Variants in FOXN3 observed in about 807,000 individuals in gnomAD.
The protein encoded by FOXN3 is forkhead box protein N3.
In FOXN3, 7 loss-of-function variants were observed where a neutral mutation model predicts 38.4. The observed-to-expected ratio is 0.18, with a 90% confidence interval of 0.10 to 0.34. FOXN3 has a LOEUF of 0.34. Ranked by LOEUF, FOXN3 falls within the 10% of genes least tolerant of loss-of-function variation. The pLI is 1.00. For synonymous variants in FOXN3, 230 were observed against 242.2 expected, an observed-to-expected ratio of 0.95 and a Z score of 0.47; for missense variants, 456 against 613.4, an observed-to-expected ratio of 0.74 and a Z score of 2.71.
chr14:89,227,409 C>T (rs923342992), intron 4 of FOXN3, among the ~76,000 whole-genome samples: 13 of 152,222 alleles, frequency 8.5e-5, no homozygotes, highest in African/African-American at 3.1e-4. Context: ...ATTGGACTCC[C>T]TTCACGGCAT....
chr14:89,332,111 C>T (rs1451451391), intron 3 of FOXN3, among the ~76,000 whole-genome samples: 2 of 152,180 alleles, frequency 1.3e-5, no homozygotes, highest in East Asian at 3.8e-4. Context: ...TGTGGTGTCC[C>T]ACCTAAGGAC....
At chr14:89,539,677 A>G (rs1295835767) in intron 1 of FOXN3, among the ~76,000 whole-genome samples, 1 of 152,196 alleles carries the variant, frequency 6.6e-6, no homozygotes, top group Non-Finnish European at 1.5e-5. Context: ...CTCTTAGGGT[A>G]AGTAGGTGTA....
intron 2 of FOXN3, among the ~76,000 whole-genome samples, chr14:89,363,005 G>A (rs1889936220): frequency 6.6e-6 from 1 of 152,100 alleles, no homozygotes; most frequent in African/African-American, 2.4e-5. Flanking sequence ...CTTAAGGTGG[G>A]GAACCTCTAG....
At chr14:89,173,973 A>G (rs1020589729) in intron 5 of FOXN3, among the ~76,000 whole-genome samples, 2 of 152,200 alleles carry the variant, frequency 1.3e-5, no homozygotes, top group Non-Finnish European at 2.9e-5. Flanking sequence ...GGTGTGGGTG[A>G]CAAAGCGAGA....
At chr14:89,326,600 G>C (rs181388921) in intron 3 of FOXN3, among the ~76,000 whole-genome samples, 1 of 152,126 alleles carries the variant, frequency 6.6e-6, no homozygotes, top group Non-Finnish European at 1.5e-5. Flanking sequence ...AGGCTCTGTC[G>C]AGAGAGCAAA....
At chr14:89,593,703 C>T (rs1214815416) in intron 1 of FOXN3, among the ~76,000 whole-genome samples, 2 of 152,064 alleles carry the variant, frequency 1.3e-5, no homozygotes, top group Non-Finnish European at 2.9e-5. Flanking sequence ...TGCACAAAAC[C>T]CAGCTCACTA....
chr14:89,180,085 C>T (rs760356673), intron 5 of FOXN3, among the ~76,000 whole-genome samples: 53 of 152,168 alleles, frequency 3.5e-4, no homozygotes. Flanking sequence ...CTATGAGGGC[C>T]GCAGGCTGGC....
At chr14:89,214,282 T>G (rs1353824898) in intron 4 of FOXN3, among the ~76,000 whole-genome samples, 1 of 152,220 alleles carries the variant, frequency 6.6e-6, no homozygotes, top group African/African-American at 2.4e-5. Flanking sequence ...CACCCGATGT[T>G]GAAAGAGGAC....
chr14:89,576,020 C>A (rs145242140), intron 1 of FOXN3, among the ~76,000 whole-genome samples: 140 of 152,274 alleles, frequency 9.2e-4, no homozygotes, highest in African/African-American at 3.2e-3. Flanking sequence ...CAAATTCCAT[C>A]GCTGACATCG....
intron 1 of FOXN3, among the ~76,000 whole-genome samples, chr14:89,611,764 C>CAA (rs1896397551): frequency 1.4e-5 from 2 of 147,230 alleles, no homozygotes; most frequent in African/African-American, 5.1e-5. Context: ...CGAGATCGTG[C>CAA]CACTGCACTC....
chr14:89,324,558 C>A (rs1254967354), intron 3 of FOXN3, among the ~76,000 whole-genome samples: 1 of 151,772 alleles, frequency 6.6e-6, no homozygotes, highest in Non-Finnish European at 1.5e-5. Flanking sequence ...AGCAGAGCTA[C>A]CCTTTGGGGA....
intron 2 of FOXN3, among the ~76,000 whole-genome samples, chr14:89,383,839 G>A (rs1024531865): frequency 6.6e-6 from 1 of 151,582 alleles, no homozygotes; most frequent in Non-Finnish European, 1.5e-5. Flanking sequence ...GCCCAGGGTG[G>A]AGTGCAATGG....
chr14:89,250,546 T>G (rs994938642), intron 4 of FOXN3, among the ~76,000 whole-genome samples: 5 of 152,200 alleles, frequency 3.3e-5, no homozygotes, highest in Admixed American at 6.5e-5. Flanking sequence ...CTTTGATGTC[T>G]CCCAGACCAA....
intron 3 of FOXN3, among the ~76,000 whole-genome samples, chr14:89,292,079 A>C (rs1886890863): frequency 6.6e-6 from 1 of 152,056 alleles, no homozygotes; most frequent in Admixed American, 6.5e-5. Flanking sequence ...CCTCTTTTCT[A>C]AACGAAGGAC....
chr14:89,289,802 TTAC>T (rs747431091), intron 3 of FOXN3, among the ~76,000 whole-genome samples: 1 of 152,206 alleles, frequency 6.6e-6, no homozygotes, highest in Non-Finnish European at 1.5e-5. Context: ...TCAGGGCACA[TTAC>T]TACTACATCA....
intron 3 of FOXN3, among the ~76,000 whole-genome samples, chr14:89,294,630 C>T (rs961500631): frequency 1.3e-5 from 2 of 152,146 alleles, no homozygotes; most frequent in South Asian, 2.1e-4. Flanking sequence ...TTAAAGCCAG[C>T]TGAAACCCAC....
chr14:89,218,902 A>G (rs566751928), intron 4 of FOXN3, among the ~76,000 whole-genome samples: 2 of 152,220 alleles, frequency 1.3e-5, no homozygotes, highest in Non-Finnish European at 2.9e-5. Context: ...CTTTGTTTCT[A>G]TACACAAACT....
intron 1 of FOXN3, among the ~76,000 whole-genome samples, chr14:89,524,506 A>T (rs2139826653): frequency 6.6e-6 from 1 of 151,312 alleles, no homozygotes; most frequent in South Asian, 2.1e-4. Context: ...AAATTAGGGA[A>T]AAAAATCAAA....
chr14:89,384,021 T>TGG (rs199505319), intron 2 of FOXN3, among the ~76,000 whole-genome samples: 39 of 151,584 alleles, frequency 2.6e-4, no homozygotes, highest in African/African-American at 9.4e-4. Flanking sequence ...ATGAATTTGG[T>TGG]GGGGGGGGAC....
Sources: allele counts gnomAD v4.1 joint callset (sites outside exome capture counted in the v4.1 genomes callset), GRCh38; gene constraint gnomAD v4.1.1; transcripts MANE v1.5; gene names NCBI Gene and HGNC (gene_info 2026-07-23, HGNC 2026-07-21).